Variants in TBC1D2 observed in about 807,000 individuals in gnomAD.
TBC1D2 encodes TBC1 domain family member 2, also known as TBC1 domain family member 2A.
Under a neutral mutation model 91.1 loss-of-function variants are expected in TBC1D2, and 58 were observed. The ratio of observed to expected loss-of-function variants is 0.64; its 90% CI spans 0.52 to 0.79. The LOEUF is 0.79. TBC1D2 is among the 30% of genes least tolerant of loss of function. TBC1D2 has a pLI of 0.00. For synonymous variants in TBC1D2, 482 were observed against 511.5 expected (o/e 0.94, Z 0.78); for missense variants, 1,080 against 1,208.3 (o/e 0.89, Z 1.57).
At chr9:98,209,718 T>TTCC (rs1460329526) in intron 8 of TBC1D2, among the ~76,000 whole-genome samples, 29 of 138,040 alleles carry the variant, frequency 2.1e-4, no homozygotes, top group East Asian at 2.0e-3. Flanking sequence ...ATCTTTTTTT[T>TTCC]TTCCTTCCTT....
chr9:98,200,787 G>A (rs1018149983), intron 11 of TBC1D2, among the ~76,000 whole-genome samples: 51 of 152,244 alleles, frequency 3.3e-4, no homozygotes, highest in African/African-American at 6.7e-4. Flanking sequence ...AGGCTGACAC[G>A]GGTGGATCAT....
chr9:98,239,542 T>A (rs1829587531), intron 3 of TBC1D2, among the ~76,000 whole-genome samples: 1 of 152,238 alleles, frequency 6.6e-6, no homozygotes, highest in Admixed American at 6.5e-5. Flanking sequence ...CGTGGATTAA[T>A]CCTTTTTATA....
chr9:98,205,232 C>A (rs1828619282), intron 9 of TBC1D2, among the ~76,000 whole-genome samples: 1 of 152,196 alleles, frequency 6.6e-6, no homozygotes, highest in African/African-American at 2.4e-5. Context: ...TGGCCTCAGT[C>A]TAGGGAGTTA....
chr9:98,254,426 G>A (rs1316714000), intron 1 of TBC1D2, among the ~76,000 whole-genome samples: 1 of 152,224 alleles, frequency 6.6e-6, no homozygotes, highest in Non-Finnish European at 1.5e-5. Flanking sequence ...TGCCTGTGAT[G>A]TGTCAAATGC....
intron 1 of TBC1D2, among the ~76,000 whole-genome samples, chr9:98,254,649 A>T (rs1829935598): frequency 6.6e-6 from 1 of 152,240 alleles, no homozygotes; most frequent in South Asian, 2.1e-4. Flanking sequence ...TGAACAATCT[A>T]GGCTGATCAG....
At position 98,249,076 on chromosome 9, in the gene TBC1D2, C is replaced by T. The variant is rs527681210; in HGVS notation, c.511+2709G>A. 2.0e-5 allele frequency among the ~76,000 whole-genome samples: 3 copies of T among 152,272 alleles called. No homozygotes were observed. In the East Asian group the frequency reaches 5.8e-4, roughly 29 times the overall value. On this transcript the variant is annotated intron_variant, in intron 2 of 12. Transcript: ENST00000465784. ...AAGGGTGGAGGCGGGCGAGGTGGGGCAGCCTGCTCCACGTGGCTAATCCAG... is the reference window on the plus strand; with the variant it reads ...AAGGGTGGAGGCGGGCGAGGTGGGGTAGCCTGCTCCACGTGGCTAATCCAG...
chr9:98,213,018 GA>G, intron 7 of TBC1D2, 89 bp downstream of exon 7: 1 of 1,424,108 alleles, frequency 7.0e-7, no homozygotes, highest in Non-Finnish European at 9.8e-7. Flanking sequence ...GGGCAGACAG[GA>G]AATGAGGAGA....
Position 98,238,110 on chromosome 9 carries a change from G to A in TBC1D2, c.648-4561C>T, listed in dbSNP as rs913202225. Among the ~76,000 whole-genome samples, 12 of 135,484 alleles carry A rather than the reference G, an allele frequency of 8.9e-5. 4 individuals carry two copies. The highest frequency in any genetic ancestry group is 4.5e-4 in the African/African-American group (12 of 26,492). 88.9% of individuals were successfully genotyped at this position (135,484 alleles called of 152,430 possible). ...GTAGAGACGGGATTTTACCATGTTA[G>A]CTAGGCTGGTCTTGAACTCCTGACC... On this transcript the variant is annotated intron_variant, in intron 3 of 12. Transcript: ENST00000465784.
intron 4 of TBC1D2, among the ~76,000 whole-genome samples, chr9:98,231,907 G>GTGA (rs1249233712): frequency 6.6e-6 from 1 of 152,124 alleles, no homozygotes; most frequent in East Asian, 1.9e-4. Flanking sequence ...TATATTCCTT[G>GTGA]GTATATTCCA....
intron 5 of TBC1D2, among the ~76,000 whole-genome samples, chr9:98,224,433 C>A (rs1564246838): frequency 6.6e-6 from 1 of 151,816 alleles, no homozygotes; most frequent in Non-Finnish European, 1.5e-5. Flanking sequence ...CAGGCATGCA[C>A]CACATTGCCC....
intron 5 of TBC1D2, 134 bp from the exon 6 acceptor site, chr9:98,221,362 G>T: frequency 1.8e-6 from 2 of 1,117,900 alleles, no homozygotes; most frequent in Non-Finnish European, 1.2e-6. Context: ...ATCTCATCCT[G>T]ACACTCACTT....
At chr9:98,205,828 C>T (rs542417019) in intron 9 of TBC1D2, among the ~76,000 whole-genome samples, 3 of 152,232 alleles carry the variant, frequency 2.0e-5, no homozygotes, top group South Asian at 4.1e-4. Flanking sequence ...CCTCAAAATG[C>T]GGGAATTACA....
chr9:98,234,540 AAAATG>A (rs1341175656), intron 3 of TBC1D2, among the ~76,000 whole-genome samples: 1 of 152,232 alleles, frequency 6.6e-6, no homozygotes, highest in Non-Finnish European at 1.5e-5. Flanking sequence ...CAGCATTTAA[AAAATG>A]AAATAGAAAC....
At chr9:98,209,791 C>CCTTCCTTCCTTCCTTCCTTCCTTCCTTT (rs1564236747) in intron 8 of TBC1D2, among the ~76,000 whole-genome samples, 1 of 130,390 alleles carries the variant, frequency 7.7e-6, no homozygotes, top group African/African-American at 2.7e-5. Flanking sequence ...TTCCTTCCTT[C>CCTTCCTTCCTTCCTTCCTTCCTTCCTTT]CTTTCTTTTT....
intron 7 of TBC1D2, 91 bp from the exon 8 acceptor site, chr9:98,210,934 C>T: frequency 8.4e-7 from 1 of 1,190,678 alleles, no homozygotes; most frequent in East Asian, 2.6e-5. Flanking sequence ...CAGCACAGCC[C>T]TTCCAGCTCT....
At chr9:98,199,683 C>T in intron 12 of TBC1D2, 95 bp from the exon 13 acceptor site, 2 of 1,370,568 alleles carry the variant, frequency 1.5e-6, no homozygotes, top group Middle Eastern at 1.8e-4. Flanking sequence ...TTCCTTCTGC[C>T]TTTGTGGCTG....
Position 98,199,271 on chromosome 9 carries a change from A to G in TBC1D2, c.*110T>C, listed in dbSNP as rs1312206467. ...CCAGAGAGGGGAAGGGACATGTCCA[A>G]GGTCACATGGTGATGGGACACCCAG... On this transcript the variant is annotated 3_prime_UTR_variant, in exon 13 of 13. Transcript: ENST00000465784. The G allele has an allele frequency of 1.7e-6, 2 of 1,207,438 alleles. No homozygotes were observed. Among genetic ancestry groups the G allele is most frequent in the Non-Finnish European group, 2.4e-6 (2 of 839,064 alleles). 74.8% of individuals were successfully genotyped at this position (1,207,438 alleles called of 1,614,324 possible).
At position 98,243,991 on chromosome 9, in the gene TBC1D2, T is replaced by TA. The variant is rs1188289734; in HGVS notation, c.647+2dup. ...CTAGCCCCTCAGCTCCACTGGCACT[T>TA]ACTGTATTTCAGTCCCCAGGTGCTT... On this transcript the variant is annotated splice_region_variant and intron_variant, in intron 3 of 12. Coordinates refer to ENST00000465784, the MANE Select transcript of TBC1D2 (RefSeq NM_001267571.2). The TA allele has an allele frequency of 6.2e-7, 1 of 1,601,366 alleles. No homozygotes were observed. Among genetic ancestry groups the TA allele is most frequent in the African/African-American group, 1.3e-5 (1 of 74,832 alleles).
chr9:98,203,488 G>A, intron 9 of TBC1D2, 80 bp from the exon 10 acceptor site: 1 of 1,571,316 alleles, frequency 6.4e-7, no homozygotes, highest in Non-Finnish European at 8.6e-7. Flanking sequence ...TGGCTTCCTG[G>A]GTTCCAGGGG....
Sources: allele counts gnomAD v4.1 joint callset (sites outside exome capture counted in the v4.1 genomes callset), GRCh38; gene constraint gnomAD v4.1.1; transcripts MANE v1.5; gene names NCBI Gene and HGNC (gene_info 2026-07-23, HGNC 2026-07-21).